CSNK1A1: variants seen among roughly 807,000 people sequenced by gnomAD.
The protein encoded by CSNK1A1 is casein kinase I isoform alpha.
In CSNK1A1, 7 loss-of-function variants were observed where a neutral mutation model predicts 46.1. The ratio of observed to expected loss-of-function variants is 0.15; its 90% CI spans 0.09 to 0.29. The LOEUF is 0.29. Ranked by LOEUF, CSNK1A1 falls within the 10% of genes least tolerant of loss-of-function variation. CSNK1A1 has a pLI of 1.00. For missense variants in CSNK1A1, 96 were observed against 417.1 expected (o/e 0.23, Z 6.71); for synonymous variants, 137 against 141.5 (o/e 0.97, Z 0.23).
chr5:149,533,787 G>C (rs1225423652), intron 2 of CSNK1A1, among the ~76,000 whole-genome samples: 1 of 152,156 alleles, frequency 6.6e-6, no homozygotes, highest in Non-Finnish European at 1.5e-5. Context: ...GGAAGGTCCA[G>C]GGAGATACAA....
At chr5:149,500,494 GTC>G (rs1760816505) in intron 9 of CSNK1A1, among the ~76,000 whole-genome samples, 2 of 151,786 alleles carry the variant, frequency 1.3e-5, no homozygotes, top group South Asian at 4.2e-4. Flanking sequence ...AGCCAGGATG[GTC>G]TCAATCTCCT....
At chr5:149,502,753 T>C (rs113946513) in intron 9 of CSNK1A1, 93,179 of 982,478 alleles carry the variant, frequency 0.095, 4,700 homozygotes, top group African/African-American at 0.14. Context: ...CAATGAATCA[T>C]TGAGCTGTAT....
intron 8 of CSNK1A1, among the ~76,000 whole-genome samples, chr5:149,506,665 C>T (rs1396470367): frequency 1.3e-5 from 2 of 152,200 alleles, no homozygotes; most frequent in Non-Finnish European, 2.9e-5. Flanking sequence ...ACTGCTACCA[C>T]TTGATCAGAC....
intron 4 of CSNK1A1, among the ~76,000 whole-genome samples, chr5:149,518,323 A>G (rs1761459449): frequency 6.6e-6 from 1 of 152,224 alleles, no homozygotes; most frequent in Admixed American, 6.5e-5. Flanking sequence ...GATTACTGGA[A>G]GAGATGAGCA....
At chr5:149,511,523 A>T (rs924014203) in intron 6 of CSNK1A1, among the ~76,000 whole-genome samples, 1 of 152,198 alleles carries the variant, frequency 6.6e-6, no homozygotes, top group Non-Finnish European at 1.5e-5. Context: ...TTCTTAGTCC[A>T]TGCCCACTTC....
intron 9 of CSNK1A1, chr5:149,501,900 T>C: frequency 1.0e-6 from 1 of 960,806 alleles, no homozygotes. Flanking sequence ...GTGTGAATCT[T>C]ATGTATTTTT....
intron 2 of CSNK1A1, chr5:149,529,506 C>A: frequency 3.9e-6 from 1 of 253,690 alleles, no homozygotes; most frequent in East Asian, 1.0e-4. Context: ...TCAATGAGAA[C>A]TAAATCTGTC....
intron 2 of CSNK1A1, among the ~76,000 whole-genome samples, chr5:149,537,372 T>C (rs990193384): frequency 2.0e-5 from 3 of 152,180 alleles, no homozygotes; most frequent in East Asian, 3.9e-4. Flanking sequence ...TGAGACTCCA[T>C]CTCTAGTGAA....
chr5:149,520,512 G>A (rs1002189774), intron 3 of CSNK1A1, 124 bp from the exon 4 acceptor site: 3 of 574,870 alleles, frequency 5.2e-6, no homozygotes, highest in South Asian at 4.9e-5. Flanking sequence ...AAAATGAAAT[G>A]GAAAGGACAA....
intron 9 of CSNK1A1, chr5:149,504,801 T>C (rs1424411399): frequency 1.0e-6 from 1 of 985,386 alleles, no homozygotes; most frequent in Non-Finnish European, 1.2e-6. Flanking sequence ...ATTAAGATCA[T>C]ACGTAAACTG....
chr5:149,542,606 ATATATATATATATATATATATATATAT>A (rs1762280454), intron 2 of CSNK1A1, among the ~76,000 whole-genome samples: 2 of 7,560 alleles, frequency 2.6e-4, no homozygotes, highest in African/African-American at 2.0e-3. Context: ...ATATATATAT[ATATATATATATATATATATATATATAT>A]ATATATGTAT....
At chr5:149,505,932 CTT>C (rs112393960) in intron 8 of CSNK1A1, among the ~76,000 whole-genome samples, 1 of 146,930 alleles carries the variant, frequency 6.8e-6, no homozygotes. Flanking sequence ...TGAATTCTCT[CTT>C]TTTTTTTTTG....
rs1760584484 is a variant in CSNK1A1 at position 149,493,777 on chromosome 5, C to T, written c.*3076G>A. ...AAGAGAGCAGCACACCCAGGACACACATATTGATCTGCTGACACCACTTCT... is the reference window on the plus strand; with the variant it reads ...AAGAGAGCAGCACACCCAGGACACATATATTGATCTGCTGACACCACTTCT... On this transcript the variant is annotated 3_prime_UTR_variant, in exon 10 of 10. Coordinates refer to ENST00000377843, the MANE Select transcript of CSNK1A1 (RefSeq NM_001892.6). The T allele has an allele frequency of 6.6e-6, 1 of 152,230 alleles. No individual in the cohort carries two copies. Among genetic ancestry groups the T allele is most frequent in the Non-Finnish European group, 1.5e-5 (1 of 68,048 alleles). 9.4% of individuals were successfully genotyped at this position (152,230 alleles called of 1,614,324 possible).
At position 149,513,272 on chromosome 5, in the gene CSNK1A1, T is replaced by C. The variant is rs1214213116; in HGVS notation, c.457-63A>G. ...CTTGTTCAATTAAACTGCGTCTTAT[T>C]CATTAAATGGTATCTATTCTATGCA... On this transcript the variant is annotated intron_variant, in intron 4 of 9. Transcript: ENST00000377843. 11 of 1,434,766 alleles carry C rather than the reference T, an allele frequency of 7.7e-6. No homozygotes were observed. In the East Asian group the frequency reaches 2.4e-4, roughly 31 times the overall value. The allele number at this position is 1,434,766 out of a possible 1,614,324, so 88.9% of individuals were successfully genotyped here. A position where few individuals can be genotyped will look rare whatever the true frequency, so the allele number is the denominator to read the frequency against.
At chr5:149,526,780 G>A (rs114805449) in intron 2 of CSNK1A1, among the ~76,000 whole-genome samples, 3 of 149,956 alleles carry the variant, frequency 2.0e-5, no homozygotes, top group South Asian at 4.2e-4. Flanking sequence ...CCTGAGAAAG[G>A]GGGGGGAGCC....
intron 3 of CSNK1A1, among the ~76,000 whole-genome samples, chr5:149,520,936 A>G (rs997617399): frequency 2.6e-5 from 4 of 152,208 alleles, no homozygotes; most frequent in African/African-American, 9.6e-5. Flanking sequence ...AATATTAAAC[A>G]TGCCATTCTT....
chr5:149,506,823 T>C (rs550807187), intron 8 of CSNK1A1, among the ~76,000 whole-genome samples: 67 of 152,342 alleles, frequency 4.4e-4, no homozygotes, highest in Middle Eastern at 6.8e-3. Flanking sequence ...GATTCAACTC[T>C]CTATCCACTC....
At chr5:149,497,668 G>C (rs1057038909) in intron 9 of CSNK1A1, 10 of 985,276 alleles carry the variant, frequency 1.0e-5, no homozygotes, top group African/African-American at 1.7e-5. Context: ...CTTAAGCACC[G>C]TTTTTCCTCT....
At position 149,538,014 on chromosome 5, in the gene CSNK1A1, G is replaced by GTTTTTT. The variant is rs890909710; in HGVS notation, c.230+12055_230+12060dup. Among the ~76,000 whole-genome samples the GTTTTTT allele has an allele frequency of 1.0e-3, 89 of 85,726 alleles. 2 individuals carry two copies. The highest frequency in any genetic ancestry group is 1.6e-3 in the Non-Finnish European group (76 of 48,202). 56.2% of individuals were successfully genotyped at this position (85,726 alleles called of 152,430 possible). ...TTGTCTGTTCAATGAAGTGTGCCCAGTTTTTTTTTTTTTTTTTTTTTTTTT... is the reference window on the plus strand; with the variant it reads ...TTGTCTGTTCAATGAAGTGTGCCCAGTTTTTTTTTTTTTTTTTTTTTTTTTTTTTTT... On this transcript the variant is annotated intron_variant, in intron 2 of 9. Transcript: ENST00000377843.
Sources: allele counts gnomAD v4.1 joint callset (sites outside exome capture counted in the v4.1 genomes callset), GRCh38; gene constraint gnomAD v4.1.1; transcripts MANE v1.5; gene names NCBI Gene and HGNC (gene_info 2026-07-23, HGNC 2026-07-21).